Variants in TPTE2 observed in about 807,000 individuals in gnomAD.
TPTE2 encodes the protein phosphatidylinositol 3,4,5-trisphosphate 3-phosphatase TPTE2.
In TPTE2, 53 loss-of-function variants were observed where a neutral mutation model predicts 78.6. The ratio of observed to expected loss-of-function variants is 0.67; its 90% confidence interval spans 0.54 to 0.85. The LOEUF (loss-of-function observed/expected upper bound fraction) is 0.85, where lower values mean the gene tolerates loss of function less well. Among genes scored for constraint, TPTE2 ranks in the 40% least tolerant of loss-of-function variants. The probability of loss-of-function intolerance (pLI) is 0.00; values close to 1 mark genes in which losing one functional copy is unlikely to be tolerated. For synonymous variants in TPTE2, 175 were observed against 206.2 expected (o/e 0.85, Z 1.30); for missense variants, 461 against 623.0 (o/e 0.74, Z 2.77).
At chr13:19,538,232 TC>T (rs1352190439), upstream of TPTE2, among the ~76,000 whole-genome samples, 12 of 152,132 alleles carry the variant, frequency 7.9e-5, no homozygotes, top group Non-Finnish European at 1.6e-4. Context: ...CTTTTTTTTT[TC>T]TTTTTGAGAC....
At chr13:19,524,378 A>G (rs952744399) in intron 1 of TPTE2, among the ~76,000 whole-genome samples, 2 of 152,320 alleles carry the variant, frequency 1.3e-5, no homozygotes, top group Admixed American at 1.3e-4. Flanking sequence ...AGAAACCTCA[A>G]ACCAATAAAT....
chr13:19,450,934 C>T (rs1418211795), intron 11 of TPTE2, among the ~76,000 whole-genome samples: 1 of 152,154 alleles, frequency 6.6e-6, no homozygotes, highest in East Asian at 1.9e-4. Flanking sequence ...GGTTTGCTTC[C>T]ACTCCAGCCT....
intron 10 of TPTE2, among the ~76,000 whole-genome samples, chr13:19,456,767 T>A (rs1032308885): frequency 6.6e-6 from 1 of 152,068 alleles, no homozygotes; most frequent in African/African-American, 2.4e-5. Flanking sequence ...ACTAACAAGG[T>A]GTGGGGGTGT....
intron 17 of TPTE2, among the ~76,000 whole-genome samples, chr13:19,429,164 CAAT>C (rs755662844): frequency 2.0e-5 from 3 of 152,140 alleles, no homozygotes; most frequent in Admixed American, 6.5e-5. Context: ...CAATTTTTCA[CAAT>C]GAGAGGAATA....
chr13:19,444,718 T>C (rs996136565), intron 13 of TPTE2, among the ~76,000 whole-genome samples: 15 of 152,140 alleles, frequency 9.9e-5, no homozygotes, highest in Non-Finnish European at 1.5e-4. Flanking sequence ...TATGGAAATA[T>C]AGATGACCTA....
intron 6 of TPTE2, 144 bp downstream of exon 9, chr13:19,473,770 A>G (rs1469214430): frequency 2.7e-5 from 18 of 657,358 alleles, no homozygotes; most frequent in Non-Finnish European, 2.2e-5. Flanking sequence ...TAATTTTTGT[A>G]TTTTTAATAG....
At chr13:19,531,784 A>G (rs1870891125) in intron 1 of TPTE2, among the ~76,000 whole-genome samples, 1 of 152,106 alleles carries the variant, frequency 6.6e-6, no homozygotes, top group Admixed American at 6.5e-5. Context: ...AAAATTAGCC[A>G]GGCATGGTGG....
intron 17 of TPTE2, among the ~76,000 whole-genome samples, chr13:19,429,422 T>C (rs1566035309): frequency 1.3e-5 from 2 of 152,354 alleles, no homozygotes; most frequent in African/African-American, 2.4e-5. Context: ...GGAAGAATGC[T>C]GGTGCCATTT....
chr13:19,498,469 C>A (rs1212285005), intron 1 of TPTE2, among the ~76,000 whole-genome samples: 1 of 152,044 alleles, frequency 6.6e-6, no homozygotes, highest in African/African-American at 2.4e-5. Flanking sequence ...ACCCTACAAG[C>A]CAGAAGAGAG....
At chr13:19,510,760 CAT>C (rs1241266026) in intron 1 of TPTE2, among the ~76,000 whole-genome samples, 2 of 152,044 alleles carry the variant, frequency 1.3e-5, no homozygotes, top group Non-Finnish European at 2.9e-5. Context: ...AAAAACAACA[CAT>C]GTAAATTAAC....
chr13:19,476,237 A>C (rs967227504), intron 4 of TPTE2, among the ~76,000 whole-genome samples: 4 of 151,970 alleles, frequency 2.6e-5, no homozygotes, highest in Non-Finnish European at 4.4e-5. Flanking sequence ...AAGGAAGGAG[A>C]ACCTGTTTGA....
chr13:19,449,486 A>G (rs1878044637), intron 13 of TPTE2, among the ~76,000 whole-genome samples: 1 of 152,194 alleles, frequency 6.6e-6, no homozygotes, highest in Non-Finnish European at 1.5e-5. Flanking sequence ...GACAGGAAGA[A>G]TAAGTTCAGG....
chr13:19,480,640 A>G (rs1267950782), intron 4 of TPTE2, among the ~76,000 whole-genome samples: 5 of 152,218 alleles, frequency 3.3e-5, no homozygotes, highest in Non-Finnish European at 7.3e-5. Context: ...TTAACTTTTC[A>G]GTCCAAAGAC....
At position 19,535,687 on chromosome 13, in the gene TPTE2, A is replaced by C. The variant is rs940166392; in HGVS notation, c.-44+909T>G. Among the ~76,000 whole-genome samples, 1 of 151,876 alleles carries C rather than the reference A, an allele frequency of 6.6e-6. No homozygotes were observed. The highest frequency in any genetic ancestry group is 2.4e-5 in the African/African-American group (1 of 41,328). The stretch of plus-strand genomic sequence containing the variant: ...TCACTCTGTCACCAGGCTGGAGTGC[A>C]ATGGTGTGACCTCAGCTCACTGCAA... On this transcript the variant is annotated intron_variant, in intron 1 of 17. Transcript: ENST00000390680. The surrounding 1 kb of genome is among the most constrained non-coding windows in gnomAD (Gnocchi z 5.1).
intron 10 of TPTE2, among the ~76,000 whole-genome samples, chr13:19,460,336 G>A (rs1177177051): frequency 6.6e-6 from 1 of 152,230 alleles, no homozygotes. Flanking sequence ...CCCCGGCTGG[G>A]CCATCGCACC....
At chr13:19,485,268 C>G (rs2497253) in intron 3 of TPTE2, among the ~76,000 whole-genome samples, 149,719 of 152,250 alleles carry the variant, frequency 0.98, 73,663 homozygotes, top group Middle Eastern at 1. Flanking sequence ...CTTGGTTTTT[C>G]TTTATCTATG....
intron 1 of TPTE2, among the ~76,000 whole-genome samples, chr13:19,493,857 C>T (rs540935422): frequency 6.6e-6 from 1 of 152,232 alleles, no homozygotes; most frequent in African/African-American, 2.4e-5. Flanking sequence ...CTTAAAAGGC[C>T]CTCCATTAGC....
Position 19,433,253 on chromosome 13 carries a change from C to T in TPTE2, c.1117-675G>A, listed in dbSNP as rs377330644. Reference sequence around the variant, plus strand: ...TCATGGTGGCTCCCGCCTGTAATCCCAGCACTTTGGGAGGCCGAGGTGGGC... The same window carrying T: ...TCATGGTGGCTCCCGCCTGTAATCCTAGCACTTTGGGAGGCCGAGGTGGGC... On this transcript the variant is annotated intron_variant, in intron 15 of 19. Coordinates refer to ENST00000400230, the Ensembl canonical transcript of TPTE2. 2.9e-4 allele frequency among the ~76,000 whole-genome samples: 44 copies of T among 152,172 alleles called. 1 individual carries two copies. In the East Asian group the frequency reaches 6.2e-3, roughly 21 times the overall value.
intron 13 of TPTE2, 94 bp from the exon 17 acceptor site, chr13:19,438,247 T>C: frequency 1.4e-6 from 2 of 1,429,220 alleles, no homozygotes; most frequent in South Asian, 1.5e-5. Flanking sequence ...ATTTTCTTTC[T>C]TTTTTTTGAG....
Sources: allele counts gnomAD v4.1 joint callset (sites outside exome capture counted in the v4.1 genomes callset), GRCh38; gene constraint gnomAD v4.1.1; non-coding constraint Gnocchi (gnomAD v3.1); transcripts MANE v1.5; gene names NCBI Gene and HGNC (gene_info 2026-07-23, HGNC 2026-07-21).